Variants in CNTN1 observed in about 807,000 individuals in gnomAD.
CNTN1 encodes contactin 1.
CNTN1 carries 38 observed loss-of-function variants against 126.4 expected under a neutral mutation model. The ratio of observed to expected loss-of-function variants is 0.30; its 90% CI spans 0.23 to 0.39. The LOEUF (loss-of-function observed/expected upper bound fraction) is 0.39, where lower values mean the gene tolerates loss of function less well. CNTN1 is among the 10% of genes least tolerant of loss of function. The pLI is 1.00. For synonymous variants in CNTN1, 413 were observed against 422.6 expected (o/e 0.98, Z 0.28); for missense variants, 1,009 against 1,248.4 (o/e 0.81, Z 2.89).
intron 1 of CNTN1, among the ~76,000 whole-genome samples, chr12:40,883,136 A>T (rs923994274): frequency 6.6e-6 from 1 of 151,662 alleles, no homozygotes; most frequent in African/African-American, 2.4e-5. Context: ...CAGAATAACT[A>T]GAGTTTTGAA....
chr12:40,721,806 G>GT (rs1458736473), intron 1 of CNTN1, among the ~76,000 whole-genome samples: 1 of 148,820 alleles, frequency 6.7e-6, no homozygotes, highest in Non-Finnish European at 1.5e-5. Flanking sequence ...GCAGTGTTTG[G>GT]TTTTTTGTCC....
At position 41,014,916 on chromosome 12, in the gene CNTN1, C is replaced by A. The variant is rs78308585; in HGVS notation, c.2184+618C>A. 4.6e-3 allele frequency among the ~76,000 whole-genome samples: 701 copies of A among 152,292 alleles called. 27 individuals are homozygous for A. The East Asian group carries it at 0.087, about 19-fold the overall frequency. On this transcript the variant is annotated intron_variant, in intron 18 of 23. Transcript: ENST00000551295. ...GGGTGGGAAAAGTTGTCTGACAAAA[C>A]TGTCTGACTTAGACATCTGGCATTT...
chr12:40,818,493 C>G (rs1425736917), intron 1 of CNTN1, among the ~76,000 whole-genome samples: 1 of 152,156 alleles, frequency 6.6e-6, no homozygotes, highest in East Asian at 1.9e-4. Context: ...TCACGAAGTA[C>G]TCGTGCTGTG....
chr12:41,032,172 C>A (rs1949157016), intron 23 of CNTN1, among the ~76,000 whole-genome samples: 1 of 152,090 alleles, frequency 6.6e-6, no homozygotes, highest in East Asian at 1.9e-4. Context: ...CCTCTTGCCT[C>A]CCAGTGTTGG....
chr12:40,760,872 A>G (rs1938837724), intron 1 of CNTN1, among the ~76,000 whole-genome samples: 1 of 150,088 alleles, frequency 6.7e-6, no homozygotes, highest in Admixed American at 6.7e-5. Flanking sequence ...CTTTGATATC[A>G]TAAAGGCCAA....
chr12:40,751,925 G>A (rs541477338), intron 1 of CNTN1, among the ~76,000 whole-genome samples: 1 of 152,064 alleles, frequency 6.6e-6, no homozygotes, highest in East Asian at 1.9e-4. Context: ...TCAGAATCTT[G>A]TGACCCATAT....
At chr12:40,819,407 G>A (rs538314267) in intron 1 of CNTN1, among the ~76,000 whole-genome samples, 1 of 152,206 alleles carries the variant, frequency 6.6e-6, no homozygotes, top group South Asian at 2.1e-4. Context: ...CTGTAGGAAA[G>A]CCCCACCCAC....
chr12:41,054,078 A>G (rs1345548209), intron 23 of CNTN1, among the ~76,000 whole-genome samples: 2 of 151,870 alleles, frequency 1.3e-5, no homozygotes, highest in African/African-American at 2.4e-5. Flanking sequence ...GAGAAGTTAT[A>G]TTATTCTCAA....
chr12:40,933,530 A>G lies in CNTN1; in HGVS notation c.773A>G (p.Asn258Ser), dbSNP rs139270901. Residue 258 changes from asparagine to serine, a missense_variant, in exon 8 of 24, where the codon AAT (asparagine) becomes AGT (serine). Coordinates refer to ENST00000551295, the MANE Select transcript of CNTN1 (RefSeq NM_001843.4). ...FKDVYALMGQ[N>S]VTLECFALGN... ...GATGTATATGCATTGATGGGCCAAA[A>G]TGTGACCTTAGAATGTTTTGCACTT... 8.1e-6 allele frequency: 13 copies of G among 1,611,384 alleles called. No individual in the cohort carries two copies. Among genetic ancestry groups the G allele is most frequent in the Non-Finnish European group, 1.1e-5 (13 of 1,177,986 alleles).
intron 1 of CNTN1, among the ~76,000 whole-genome samples, chr12:40,720,003 ATTTTTTTT>A (rs561694238): frequency 3.3e-4 from 42 of 127,226 alleles, no homozygotes; most frequent in East Asian, 1.4e-3. Flanking sequence ...CGCCCGGTTA[ATTTTTTTT>A]TTTTTTTTTT....
intron 23 of CNTN1, among the ~76,000 whole-genome samples, chr12:41,032,841 C>T (rs962988733): frequency 6.6e-6 from 1 of 152,172 alleles, no homozygotes; most frequent in African/African-American, 2.4e-5. Context: ...TGGGAGCAAG[C>T]TCTTGTTTGC....
At chr12:41,039,562 G>T (rs761665362) in intron 23 of CNTN1, among the ~76,000 whole-genome samples, 12 of 152,162 alleles carry the variant, frequency 7.9e-5, no homozygotes, top group Non-Finnish European at 1.6e-4. Context: ...AGTTCAATAT[G>T]CTAGTTCAAT....
At chr12:40,747,129 A>C (rs548741138) in intron 1 of CNTN1, among the ~76,000 whole-genome samples, 1 of 152,186 alleles carries the variant, frequency 6.6e-6, no homozygotes, top group South Asian at 2.1e-4. Flanking sequence ...TCAATGTGAA[A>C]ACTCATTCTG....
At chr12:40,750,159 G>T (rs57816451) in intron 1 of CNTN1, among the ~76,000 whole-genome samples, 16,753 of 152,022 alleles carry the variant, frequency 0.11, 1,009 homozygotes, top group Non-Finnish European at 0.13. Flanking sequence ...CAGAAAAATG[G>T]GACAGTAACT....
chr12:40,983,987 T>C (rs1592361893), intron 16 of CNTN1, among the ~76,000 whole-genome samples: 1 of 144,476 alleles, frequency 6.9e-6, no homozygotes, highest in East Asian at 2.0e-4. Context: ...TAATATATGA[T>C]ATTAATATTT....
In CNTN1 at chr12:41,070,062, T is replaced by A; in HGVS notation, c.*27T>A. 6.2e-7 allele frequency: 1 copy of A among 1,604,880 alleles called. No homozygotes were observed. Among genetic ancestry groups the A allele is most frequent in the Non-Finnish European group, 8.5e-7 (1 of 1,171,910 alleles). On this transcript the variant is annotated 3_prime_UTR_variant, in exon 24 of 24. Transcript: ENST00000551295. ...TGTGTTGTGACAGCTGCTGTTCCCA[T>A]CCCAGCTCAGAAGACACCCTTCAAC...
chr12:40,855,050 A>G (rs12297670), intron 1 of CNTN1, among the ~76,000 whole-genome samples: 1 of 152,094 alleles, frequency 6.6e-6, no homozygotes, highest in Non-Finnish European at 1.5e-5. Context: ...GTCTGCAAGA[A>G]AGCTCTGGCT....
rs567954369 is a variant in CNTN1, at chr12:40,804,412, C to T, written c.-76-103945C>T. Among the ~76,000 whole-genome samples the T allele has an allele frequency of 2.0e-5, 3 of 152,006 alleles. No homozygotes were observed. In the South Asian group the frequency reaches 6.2e-4, roughly 32 times the overall value. On this transcript the variant is annotated intron_variant, in intron 1 of 23. Coordinates refer to ENST00000551295, the MANE Select transcript of CNTN1 (RefSeq NM_001843.4). ...TTTATTTCAGGTACTATTGCCATTT[C>T]GCAGTTGTTGTTTTGAAAACCCTTC...
At chr12:40,909,940 A>C in intron 2 of CNTN1, 133 bp from the exon 3 acceptor site, 1 of 665,000 alleles carries the variant, frequency 1.5e-6, no homozygotes, top group East Asian at 2.6e-5. Flanking sequence ...AGATGTGAAG[A>C]TACTTCAACC....
Sources: allele counts gnomAD v4.1 joint callset (sites outside exome capture counted in the v4.1 genomes callset), GRCh38; gene constraint gnomAD v4.1.1; transcripts MANE v1.5; gene names NCBI Gene and HGNC (gene_info 2026-07-23, HGNC 2026-07-21).